Variants in VPS41 observed in about 807,000 individuals in gnomAD.
The protein encoded by VPS41 is vacuolar protein sorting-associated protein 41 homolog.
In VPS41, 85 loss-of-function variants were observed where a neutral mutation model predicts 130.9. The observed-to-expected ratio is 0.65, with a 90% CI of 0.55 to 0.78. VPS41 has a LOEUF of 0.78. Ranked by LOEUF, VPS41 falls within the 30% of genes least tolerant of loss-of-function variation. VPS41 has a pLI of 0.00. For missense variants in VPS41, 874 were observed against 1,018.7 expected (o/e 0.86, Z 1.93); for synonymous variants, 335 against 332.9 (o/e 1.01, Z -0.07).
intron 2 of VPS41, among the ~76,000 whole-genome samples, chr7:38,891,090 T>C (rs1786856559): frequency 1.3e-5 from 2 of 152,080 alleles, no homozygotes; most frequent in African/African-American, 4.8e-5. Flanking sequence ...TTGAATACAA[T>C]AAAATTGGCT....
intron 10 of VPS41, among the ~76,000 whole-genome samples, chr7:38,784,497 T>A (rs1784403149): frequency 1.3e-5 from 2 of 152,076 alleles, no homozygotes; most frequent in African/African-American, 4.8e-5. Context: ...TAGCCAGGCA[T>A]GGTGGTGCAC....
At chr7:38,782,391 C>G (rs1005390741) in intron 10 of VPS41, among the ~76,000 whole-genome samples, 1 of 152,218 alleles carries the variant, frequency 6.6e-6, no homozygotes, top group Admixed American at 6.5e-5. Flanking sequence ...GCTGATATCA[C>G]CCTGCAGCGA....
rs759287824 is a variant in VPS41, at chr7:38,767,584, T to C, written c.1200A>G (p.Ala400=). The change falls in exon 15 of 29, where the codon GCA becomes GCG. Residue 400 remains alanine, a synonymous_variant. Coordinates refer to ENST00000310301, the MANE Select transcript of VPS41 (RefSeq NM_014396.4). ...KRHKILDIGL[A]YINHLVERGD... is the part of the protein sequence containing the mutation. ...CTCTCTCCACCAGGTGATTTATATA[T>C]GCCAAGCCAATATCCTAGAGAAAGC... is the stretch of plus-strand genomic sequence containing the variant. The C allele has an allele frequency of 1.2e-6, 2 of 1,610,266 alleles. No homozygotes were observed. The highest frequency in any genetic ancestry group is 1.7e-6 in the Non-Finnish European group (2 of 1,177,662).
intron 4 of VPS41, among the ~76,000 whole-genome samples, chr7:38,856,366 G>A (rs1028888919): frequency 2.2e-4 from 33 of 152,068 alleles, no homozygotes; most frequent in African/African-American, 8.0e-4. Context: ...TTGAGGGTTA[G>A]GACCTCAACA....
At chr7:38,905,960 A>AT (rs895600434) in intron 1 of VPS41, among the ~76,000 whole-genome samples, 4 of 150,878 alleles carry the variant, frequency 2.7e-5, no homozygotes, top group Non-Finnish European at 5.9e-5. Context: ...TGCCTGACTA[A>AT]TTTTTTTGTA....
intron 4 of VPS41, among the ~76,000 whole-genome samples, chr7:38,833,329 T>C (rs10249090): frequency 0.61 from 92,945 of 152,040 alleles, 29,242 homozygotes; most frequent in East Asian, 0.89. Flanking sequence ...ATAAGAGACA[T>C]TCCTTTGCTT....
chr7:38,862,714 A>C (rs1786144628), intron 3 of VPS41, 92 bp from the exon 4 acceptor site: 3 of 724,918 alleles, frequency 4.1e-6, no homozygotes, highest in Non-Finnish European at 4.6e-6. Context: ...AAGATGCTTA[A>C]TGCATAAATG....
chr7:38,894,102 T>C (rs1393370089), intron 2 of VPS41, among the ~76,000 whole-genome samples: 1 of 152,064 alleles, frequency 6.6e-6, no homozygotes, highest in African/African-American at 2.4e-5. Context: ...AAGGAAAAGG[T>C]AGAAATATAT....
At chr7:38,859,669 G>GT (rs1323442330) in intron 4 of VPS41, among the ~76,000 whole-genome samples, 2 of 152,148 alleles carry the variant, frequency 1.3e-5, no homozygotes, top group South Asian at 2.1e-4. Context: ...CTAGGTCTGT[G>GT]TAAGTAGAGG....
intron 25 of VPS41, among the ~76,000 whole-genome samples, chr7:38,735,899 G>C (rs1228824282): frequency 1.3e-5 from 2 of 152,208 alleles, no homozygotes; most frequent in Middle Eastern, 3.4e-3. Flanking sequence ...TCAATCCAAG[G>C]GGCAGTTGGG....
intron 4 of VPS41, among the ~76,000 whole-genome samples, chr7:38,836,612 T>G (rs1372147362): frequency 1.3e-5 from 2 of 152,164 alleles, no homozygotes; most frequent in Non-Finnish European, 2.9e-5. Context: ...TTATTACACA[T>G]TTTAAATTTT....
chr7:38,826,398 C>T (rs998660039), intron 5 of VPS41, among the ~76,000 whole-genome samples: 1 of 152,090 alleles, frequency 6.6e-6, no homozygotes, highest in African/African-American at 2.4e-5. Flanking sequence ...GGGAGAAAAA[C>T]CATGCTTTAA....
intron 2 of VPS41, among the ~76,000 whole-genome samples, chr7:38,896,095 TTTTA>T (rs1009331481): frequency 2.6e-5 from 4 of 152,192 alleles, no homozygotes; most frequent in Non-Finnish European, 5.9e-5. Context: ...TTGTGTGTGC[TTTTA>T]TTTACTCTTT....
chr7:38,777,270 G>C (rs888880098), intron 10 of VPS41, among the ~76,000 whole-genome samples: 3 of 151,652 alleles, frequency 2.0e-5, no homozygotes, highest in African/African-American at 7.3e-5. Flanking sequence ...AGAACTTGAA[G>C]TTAAAAAAAG....
chr7:38,907,078 GA>G (rs3056397), intron 1 of VPS41, among the ~76,000 whole-genome samples: 1,914 of 141,260 alleles, frequency 0.014, 26 homozygotes, highest in Middle Eastern at 0.029. Context: ...AATATACAGG[GA>G]AAAAAAAAAA....
intron 15 of VPS41, among the ~76,000 whole-genome samples, chr7:38,767,051 C>T (rs1221797890): frequency 6.6e-6 from 1 of 152,190 alleles, no homozygotes; most frequent in Non-Finnish European, 1.5e-5. Flanking sequence ...TCTCCATGCC[C>T]ACCCTCTGTT....
intron 14 of VPS41, among the ~76,000 whole-genome samples, chr7:38,767,812 G>T (rs1340822322): frequency 6.6e-6 from 1 of 151,774 alleles, no homozygotes; most frequent in Non-Finnish European, 1.5e-5. Context: ...AGAATTCACA[G>T]GTCAGGTCAT....
chr7:38,846,038 CAAGTCACTGGAT>C (rs374421865), intron 4 of VPS41, among the ~76,000 whole-genome samples: 94 of 152,164 alleles, frequency 6.2e-4, no homozygotes, highest in African/African-American at 2.1e-3. Context: ...GCAGAATGAC[CAAGTCACTGGAT>C]TATTGCAAGG....
At chr7:38,726,433 T>G (rs1285596763) in intron 28 of VPS41, 107 bp from the exon 29 acceptor site, 6 of 795,162 alleles carry the variant, frequency 7.5e-6, no homozygotes, top group South Asian at 1.6e-5. Flanking sequence ...GAGGAAGTAA[T>G]AGGATGGCAC....
Sources: gnomAD v4.1 joint callset for allele counts (sites outside exome capture counted in the v4.1 genomes callset) on GRCh38, gnomAD v4.1.1 for gene constraint, MANE v1.5 for transcripts, NCBI Gene and HGNC (gene_info 2026-07-23, HGNC 2026-07-21) for gene names.